Variants in TRIM33 observed in about 807,000 individuals in gnomAD.
TRIM33 encodes the protein E3 ubiquitin-protein ligase TRIM33.
TRIM33 carries 20 observed loss-of-function variants against 125.4 expected under a neutral mutation model. The ratio of observed to expected loss-of-function variants is 0.16; its 90% CI spans 0.11 to 0.23. The LOEUF (loss-of-function observed/expected upper bound fraction) is 0.23. Among genes scored for constraint, TRIM33 ranks in the 10% least tolerant of loss-of-function variants. The pLI is 1.00. For missense variants in TRIM33, 920 were observed against 1,411.4 expected (o/e 0.65, Z 5.58); for synonymous variants, 564 against 513.9 (o/e 1.10, Z -1.32).
Position 114,476,145 on chromosome 1 carries a change from A to AT in TRIM33, c.527-11758dup, listed in dbSNP as rs561866544. Among the ~76,000 whole-genome samples the AT allele has an allele frequency of 1.8e-4, 27 of 152,218 alleles. No homozygotes were observed. In the East Asian group the frequency reaches 4.6e-3, roughly 26 times the overall value. The stretch of plus-strand genomic sequence containing the variant: ...ATTTATTATATATTCCTAGAATAGA[A>AT]TATATACATTTTTGGGTATGTCTGT... On this transcript the variant is annotated intron_variant, in intron 1 of 19. Transcript: ENST00000358465.
At chr1:114,445,352 C>G in intron 4 of TRIM33, among the ~76,000 whole-genome samples, 1 of 152,174 alleles carries the variant, frequency 6.6e-6, no homozygotes, top group East Asian at 1.9e-4. Flanking sequence ...ATCCTCCCAC[C>G]TCAGCCTCCC....
intron 4 of TRIM33, among the ~76,000 whole-genome samples, chr1:114,448,218 C>T (rs568083773): frequency 2.6e-5 from 4 of 152,222 alleles, no homozygotes; most frequent in African/African-American, 7.2e-5. Flanking sequence ...AATTAGCTTT[C>T]TAAAGGAAGA....
chr1:114,463,086 C>A lies in TRIM33; in HGVS notation c.923+18G>T. 1 of 1,558,286 alleles carries A rather than the reference C, an allele frequency of 6.4e-7. No homozygotes were observed. Among genetic ancestry groups the A allele is most frequent in the Non-Finnish European group, 8.7e-7 (1 of 1,155,646 alleles). On this transcript the variant is annotated intron_variant, in intron 4 of 19. Transcript: ENST00000358465. ...ACTTTTTATAGTATTTCCTGGTAAG[C>A]AATTATGATTTCTGTACCTATGTTC...
intron 11 of TRIM33, among the ~76,000 whole-genome samples, chr1:114,413,358 A>T (rs1269593794): frequency 6.6e-6 from 1 of 152,106 alleles, no homozygotes; most frequent in Non-Finnish European, 1.5e-5. Flanking sequence ...TGGGAGTTGG[A>T]GACCAGCCTG....
Position 114,427,855 on chromosome 1 carries a change from G to C in TRIM33, c.1195C>G (p.Gln399Glu). 1.9e-6 allele frequency: 3 copies of C among 1,614,066 alleles called. No individual in the cohort carries two copies. The highest frequency in any genetic ancestry group is 1.7e-6 in the Non-Finnish European group (2 of 1,179,972). The change falls in exon 7 of 20, where the codon CAG becomes GAG. Residue 399 changes from glutamine to glutamate, a missense_variant. By Grantham distance (29) the Gln-to-Glu change is conservative. This residue lies in a region of TRIM33 where 50 missense variants were observed against 110.8 expected (regional missense o/e 0.45). Coordinates refer to ENST00000358465, the MANE Select transcript of TRIM33 (RefSeq NM_015906.4). Reference sequence around the variant, plus strand: ...CGGGAAAGGCCTGTGATGTCATTCTGCTGCTGTAGTAACTTCATCTGTCTT... The same window carrying C: ...CGGGAAAGGCCTGTGATGTCATTCTCCTGCTGTAGTAACTTCATCTGTCTT... ...KERQMKLLQQ[Q>E]NDITGLSRQV...
chr1:114,498,886 A>G (rs1279708424), intron 1 of TRIM33, among the ~76,000 whole-genome samples: 1 of 152,198 alleles, frequency 6.6e-6, no homozygotes, highest in Non-Finnish European at 1.5e-5. Context: ...AGACTAAATG[A>G]AAAAGCATAA....
At chr1:114,433,506 C>G in intron 5 of TRIM33, 111 bp downstream of exon 5, 1 of 629,226 alleles carries the variant, frequency 1.6e-6, no homozygotes. Flanking sequence ...CCATTTCCCC[C>G]TCAAAAAAAT....
rs1647644637 is a variant in TRIM33, at chr1:114,427,228, T to C, written c.1369A>G (p.Ile457Val). ...AAGGTGGGATCACAATGGAAACGTA[T>C]TGCTCCATTAGCAGCAGGGACAGGA... ...CDPVPAANGA[I>V]RFHCDPTFWA... is the part of the protein sequence containing the mutation. The change falls in exon 8 of 20, where the codon ATA becomes GTA. Residue 457 changes from isoleucine to valine, a missense_variant. Ile to Val is a conservative substitution (Grantham distance 29, BLOSUM62 3). Around this residue, in one of 8 missense-constraint regions of TRIM33, gnomAD observed 407 missense variants for 589.7 expected, o/e 0.69. Coordinates refer to ENST00000358465, the MANE Select transcript of TRIM33 (RefSeq NM_015906.4). 1.2e-6 allele frequency: 2 copies of C among 1,607,520 alleles called. No individual in the cohort carries two copies. Among genetic ancestry groups the C allele is most frequent in the East Asian group, 2.2e-5 (1 of 44,782 alleles).
chr1:114,441,726 CTT>C (rs1253105009), intron 4 of TRIM33, among the ~76,000 whole-genome samples: 1 of 151,666 alleles, frequency 6.6e-6, no homozygotes, highest in Non-Finnish European at 1.5e-5. Context: ...CATCTGCCCT[CTT>C]TGCCAAATGG....
At chr1:114,498,194 A>C (rs939081595) in intron 1 of TRIM33, among the ~76,000 whole-genome samples, 4 of 152,016 alleles carry the variant, frequency 2.6e-5, no homozygotes, top group Admixed American at 6.6e-5. Flanking sequence ...AGTATACCTG[A>C]AATGTTTCAA....
intron 1 of TRIM33, among the ~76,000 whole-genome samples, chr1:114,480,068 T>A (rs563797256): frequency 6.6e-6 from 1 of 152,262 alleles, no homozygotes; most frequent in East Asian, 1.9e-4. Flanking sequence ...GATAGAGAAA[T>A]CAGATCGTTG....
At chr1:114,491,793 G>A (rs1281843875) in intron 1 of TRIM33, among the ~76,000 whole-genome samples, 1 of 152,144 alleles carries the variant, frequency 6.6e-6, no homozygotes, top group Non-Finnish European at 1.5e-5. Flanking sequence ...GATAGAGCAA[G>A]ACCCTGTCTC....
intron 4 of TRIM33, among the ~76,000 whole-genome samples, chr1:114,456,030 T>A (rs1276592279): frequency 6.6e-6 from 1 of 152,208 alleles, no homozygotes; most frequent in East Asian, 1.9e-4. Flanking sequence ...GTGTTAAGGT[T>A]AAATTGAAAG....
At chr1:114,411,408 A>G (rs1203470776) in intron 11 of TRIM33, among the ~76,000 whole-genome samples, 1 of 152,176 alleles carries the variant, frequency 6.6e-6, no homozygotes, top group Non-Finnish European at 1.5e-5. Context: ...AAAGGACAAT[A>G]GCAGTTGTGT....
chr1:114,491,361 C>T (rs1652052995), intron 1 of TRIM33, among the ~76,000 whole-genome samples: 2 of 152,108 alleles, frequency 1.3e-5, no homozygotes, highest in African/African-American at 2.4e-5. Context: ...ACAGTTGCTG[C>T]AAACAATAAA....
intron 10 of TRIM33, among the ~76,000 whole-genome samples, chr1:114,423,191 G>A (rs1021816372): frequency 6.6e-6 from 1 of 151,946 alleles, no homozygotes; most frequent in Non-Finnish European, 1.5e-5. Flanking sequence ...ACGATAATTT[G>A]GTCCACAGAA....
At chr1:114,467,739 C>G (rs1308711381) in intron 1 of TRIM33, among the ~76,000 whole-genome samples, 1 of 152,150 alleles carries the variant, frequency 6.6e-6, no homozygotes, top group Non-Finnish European at 1.5e-5. Context: ...ACCACTGTAC[C>G]AATTTACTTT....
chr1:114,473,485 G>A (rs937987053), intron 1 of TRIM33, among the ~76,000 whole-genome samples: 4 of 151,994 alleles, frequency 2.6e-5, no homozygotes, highest in African/African-American at 7.2e-5. Context: ...AGAGAGTGAC[G>A]GGGTGAGTGG....
At position 114,463,560 on chromosome 1, in the gene TRIM33, AAAG is replaced by A. The variant is rs1361191871; in HGVS notation, c.646-7_646-5del. The A allele has an allele frequency of 1.8e-5, 28 of 1,581,536 alleles. No homozygotes were observed. The highest frequency in any genetic ancestry group is 2.2e-5 in the Non-Finnish European group (26 of 1,160,616). ...TGTCTTCACAACTAGTACATACCTA[AAAG>A]AAGAAATAAGCACTAATCTAAATTA... On this transcript the variant is annotated splice_polypyrimidine_tract_variant and splice_region_variant and intron_variant, in intron 2 of 19. Coordinates refer to ENST00000358465, the MANE Select transcript of TRIM33 (RefSeq NM_015906.4).
Sources: gnomAD v4.1 joint callset for allele counts (sites outside exome capture counted in the v4.1 genomes callset) on GRCh38, gnomAD v4.1.1 for gene constraint, gnomAD v4.1.1 regional missense constraint, MANE v1.5 for transcripts, NCBI Gene and HGNC (gene_info 2026-07-23, HGNC 2026-07-21) for gene names.